The following ARHGEF11 variants were observed in gnomAD, a reference collection of about 807,000 sequenced individuals.
The protein encoded by ARHGEF11 is Rho guanine exchange factor (GEF) 11.
ARHGEF11 carries 55 observed loss-of-function variants against 193.7 expected under a neutral mutation model. That is an observed-to-expected ratio of 0.28 (90% CI 0.23 to 0.36). The LOEUF is 0.36. ARHGEF11 is among the 10% of genes least tolerant of loss of function. ARHGEF11 has a pLI of 1.00. For missense variants in ARHGEF11, 1,723 were observed against 2,005.6 expected (o/e 0.86, Z 2.69); for synonymous variants, 693 against 768.0 (o/e 0.90, Z 1.62).
At chr1:156,942,049 C>T (rs1489418694) in intron 33 of ARHGEF11, 60 bp from the exon 34 acceptor site, 2 of 1,611,476 alleles carry the variant, frequency 1.2e-6, no homozygotes, top group Admixed American at 3.3e-5. Context: ...CACGCACCAC[C>T]CCGTACTGAG....
rs141876285 is a variant in ARHGEF11, at chr1:156,947,814, C to G, written c.2296G>C (p.Ala766Pro). ...TCAATCTCCCGCTGGGTTAGCCCAGCCACCACATCCTTGCCCACTGTATGC... is the reference window on the plus strand; with the variant it reads ...TCAATCTCCCGCTGGGTTAGCCCAGGCACCACATCCTTGCCCACTGTATGC... ...WQHTVGKDVV[A>P]GLTQREIDRQ... The change falls in exon 25 of 41, where the codon GCT (alanine) becomes CCT (proline). Residue 766 changes from alanine to proline, a missense_variant. Physicochemically the swap from Ala to Pro is conservative, Grantham distance 27 (BLOSUM62 -1). Coordinates refer to ENST00000368194, the MANE Select transcript of ARHGEF11 (RefSeq NM_198236.3). The G allele has an allele frequency of 9.2e-5, 148 of 1,613,742 alleles. No homozygotes were observed. The highest frequency in any genetic ancestry group is 1.2e-4 in the Non-Finnish European group (141 of 1,179,994).
chr1:157,017,503 C>T (rs1445325750), intron 1 of ARHGEF11, among the ~76,000 whole-genome samples: 4 of 151,822 alleles, frequency 2.6e-5, no homozygotes, highest in Admixed American at 6.6e-5. Context: ...GTCAGGAGAT[C>T]GAGATCATCC....
intron 1 of ARHGEF11, among the ~76,000 whole-genome samples, chr1:157,019,694 T>C (rs1175005708): frequency 1.3e-5 from 2 of 152,158 alleles, no homozygotes; most frequent in South Asian, 2.1e-4. Flanking sequence ...GAACACACTA[T>C]TGATAGACAC....
chr1:156,944,915 C>G lies in ARHGEF11; in HGVS notation c.2991+104G>C, dbSNP rs138550628. The G allele has an allele frequency of 8.0e-4, 1,155 of 1,435,370 alleles. 7 individuals carry two copies. In the African/African-American group the frequency reaches 0.015, roughly 19 times the overall value. The allele number at this position is 1,435,370 out of a possible 1,614,324, so 88.9% of individuals were successfully genotyped here. A position where few individuals can be genotyped will look rare whatever the true frequency, so the allele number is the denominator to read the frequency against. On this transcript the variant is annotated intron_variant, in intron 30 of 40. Coordinates refer to ENST00000368194, the MANE Select transcript of ARHGEF11 (RefSeq NM_198236.3). ...GCTCCATTGTGCCACCCTATCTGGT[C>G]TCTGTCTCCTACCTCTAAGACTCTC... is the stretch of plus-strand genomic sequence containing the variant.
Position 156,959,060 on chromosome 1 carries a change from C to A in ARHGEF11, c.1365G>T (p.Gln455His), listed in dbSNP as rs1383547143. 2 of 1,614,240 alleles carry A rather than the reference C, an allele frequency of 1.2e-6. No homozygotes were observed. The highest frequency in any genetic ancestry group is 1.7e-5 in the Admixed American group (1 of 60,034). ...QEAAMPEIQE[Q>H]IHDYRTKRTL... ...CCTGGGCCAACCTGTAGTCGTGGAT[C>A]TGCTCTTGGATCTCAGGCATGGCTG... The change falls in exon 16 of 41, where the codon CAG becomes CAT. Residue 455 changes from glutamine (Q) to histidine (H), a missense_variant. By Grantham distance (24) the Gln-to-His change is conservative (BLOSUM62 0). Coordinates refer to ENST00000368194, the MANE Select transcript of ARHGEF11 (RefSeq NM_198236.3).
At chr1:157,030,962 T>C (rs1445808344) in intron 1 of ARHGEF11, among the ~76,000 whole-genome samples, 4 of 151,282 alleles carry the variant, frequency 2.6e-5, no homozygotes, top group African/African-American at 4.9e-5. Context: ...TGGCCCACTT[T>C]AAAAACTGAC....
Position 156,945,096 on chromosome 1 carries a change from G to A in ARHGEF11, c.2914C>T (p.Arg972Cys), listed in dbSNP as rs1657870724. 1 of 1,614,176 alleles carries A rather than the reference G, an allele frequency of 6.2e-7. No individual in the cohort carries two copies. ...AGGCGTTTCTGGTAGCCCTCTAAAC[G>A]GTGGCGGTTCTCTGTTTGTTTTACC... ...EAVKQTENRH[R>C]LEGYQKRLDA... is the part of the protein sequence containing the mutation. The change falls in exon 30 of 41, where the codon CGT becomes TGT. Residue 972 changes from arginine to cysteine, a missense_variant. Physicochemically the swap from Arg to Cys is radical, Grantham distance 180. This residue lies in a region of ARHGEF11 where 491 missense variants were observed against 654.5 expected (regional missense o/e 0.75). Transcript: ENST00000368194.
At chr1:156,951,483 G>A in intron 22 of ARHGEF11, 90 bp downstream of exon 22, 2 of 1,541,980 alleles carry the variant, frequency 1.3e-6, no homozygotes, top group East Asian at 2.3e-5. Context: ...TAGTGGAGAG[G>A]GGTCAAGTAG....
Position 156,944,347 on chromosome 1 carries a change from CT to C in ARHGEF11, c.3067+10del. 1 of 1,614,096 alleles carries C rather than the reference CT, an allele frequency of 6.2e-7. No individual in the cohort carries two copies. The highest frequency in any genetic ancestry group is 8.5e-7 in the Non-Finnish European group (1 of 1,179,974). On this transcript the variant is annotated intron_variant, in intron 31 of 40. Transcript: ENST00000368194. Reference sequence around the variant, plus strand: ...CAGGTTCCTGCTCAGTCCCAGTCCCCTGGCACATACCCAAGGTCTTATCCTT... The same window carrying C: ...CAGGTTCCTGCTCAGTCCCAGTCCCCGGCACATACCCAAGGTCTTATCCTT...
intron 21 of ARHGEF11, among the ~76,000 whole-genome samples, chr1:156,952,392 C>G (rs751726415): frequency 6.6e-6 from 1 of 152,194 alleles, no homozygotes; most frequent in Non-Finnish European, 1.5e-5. Flanking sequence ...CTGGAGAACT[C>G]AGACCCAGAG....
At chr1:156,994,545 C>T (rs1167894363) in intron 1 of ARHGEF11, among the ~76,000 whole-genome samples, 1 of 152,064 alleles carries the variant, frequency 6.6e-6, no homozygotes, top group Non-Finnish European at 1.5e-5. Context: ...TTTCTACTTT[C>T]ATGAAGGTCT....
chr1:156,947,278 A>C (rs762368995), intron 26 of ARHGEF11, 26 bp downstream of exon 26: 1 of 1,580,934 alleles, frequency 6.3e-7, no homozygotes, highest in East Asian at 2.2e-5. Context: ...GCAGAAGAGG[A>C]GTCTGGAGGG....
chr1:156,942,615 A>T, intron 33 of ARHGEF11, 75 bp downstream of exon 33: 1 of 1,384,306 alleles, frequency 7.2e-7, no homozygotes, highest in Non-Finnish European at 1.0e-6. Context: ...TGGCCTTGCT[A>T]CCCACTGTCC....
chr1:156,994,838 G>A (rs1378913675), intron 1 of ARHGEF11, among the ~76,000 whole-genome samples: 1 of 98,798 alleles, frequency 1.0e-5, no homozygotes, highest in African/African-American at 4.2e-5. Flanking sequence ...ACAAATGTAG[G>A]TAATACTACC....
At position 156,961,793 on chromosome 1, in the gene ARHGEF11, TG is replaced by T; in HGVS notation, c.1141-19del. The T allele has an allele frequency of 6.2e-7, 1 of 1,609,312 alleles. No individual in the cohort carries two copies. Among genetic ancestry groups the T allele is most frequent in the Non-Finnish European group, 8.5e-7 (1 of 1,175,628 alleles). On this transcript the variant is annotated intron_variant, in intron 13 of 40. Transcript: ENST00000368194. ...TAAAAAAGCTAGGAGGAGAGAGAAC[TG>T]GGTTAGAGCAGTGGTTCTCCCCCAG...
At chr1:156,971,578 C>G in intron 8 of ARHGEF11, 119 bp downstream of exon 8, 1 of 1,310,776 alleles carries the variant, frequency 7.6e-7, no homozygotes, top group South Asian at 1.8e-5. Context: ...TAAACACTTA[C>G]TAGTTCAGCC....
At chr1:156,950,848 G>C (rs553663524) in intron 22 of ARHGEF11, among the ~76,000 whole-genome samples, 6 of 152,290 alleles carry the variant, frequency 3.9e-5, no homozygotes, top group Admixed American at 1.3e-4. Context: ...TAAGGGTGGT[G>C]TTGGTTTTTA....
intron 21 of ARHGEF11, among the ~76,000 whole-genome samples, chr1:156,953,688 CTCTATA>C (rs1557850056): frequency 6.6e-6 from 1 of 151,810 alleles, no homozygotes. Flanking sequence ...CTCTCTCTCT[CTCTATA>C]TATATTTATT....
At chr1:156,965,039 A>G (rs1365999675) in intron 11 of ARHGEF11, among the ~76,000 whole-genome samples, 3 of 152,150 alleles carry the variant, frequency 2.0e-5, no homozygotes, top group African/African-American at 7.2e-5. Flanking sequence ...TTATGCATCC[A>G]TTTCCCTGCT....
Sources: gnomAD v4.1 joint callset for allele counts (sites outside exome capture counted in the v4.1 genomes callset) on GRCh38, gnomAD v4.1.1 for gene constraint, gnomAD v4.1.1 regional missense constraint, MANE v1.5 for transcripts, NCBI Gene and HGNC (gene_info 2026-07-23, HGNC 2026-07-21) for gene names.